BSN: variants seen among roughly 807,000 people sequenced by gnomAD.
The protein encoded by BSN is bassoon presynaptic cytomatrix protein.
In BSN, 57 loss-of-function variants were observed where a neutral mutation model predicts 264.8. The ratio of observed to expected loss-of-function variants is 0.22; its 90% CI spans 0.17 to 0.27. The LOEUF (loss-of-function observed/expected upper bound fraction) is 0.27, where lower values mean the gene tolerates loss of function less well. Among genes scored for constraint, BSN ranks in the 10% least tolerant of loss-of-function variants. BSN has a pLI of 1.00. For synonymous variants in BSN, 2,059 were observed against 2,137.3 expected, an observed-to-expected ratio of 0.96 and a Z score of 1.01; for missense variants, 4,615 against 5,232.5, an observed-to-expected ratio of 0.88 and a Z score of 3.64.
intron 2 of BSN, among the ~76,000 whole-genome samples, chr3:49,627,739 G>A (rs1295755646): frequency 2.6e-5 from 4 of 152,186 alleles, no homozygotes; most frequent in Non-Finnish European, 4.4e-5. Context: ...TTAGGTGTCT[G>A]GGTGGGTGAT....
At chr3:49,597,263 G>A (rs9875617) in intron 1 of BSN, among the ~76,000 whole-genome samples, 43,526 of 151,844 alleles carry the variant, frequency 0.29, 6,771 homozygotes, top group Non-Finnish European at 0.31. Flanking sequence ...TGAGTTCTCT[G>A]TTTCTTTCTC....
Position 49,657,638 on chromosome 3 carries a change from C to T in BSN, c.8082C>T (p.Thr2694=), listed in dbSNP as rs778069714. 1.5e-5 allele frequency: 24 copies of T among 1,595,750 alleles called. No individual in the cohort carries two copies. Among genetic ancestry groups the T allele is most frequent in the African/African-American group, 1.3e-5 (1 of 74,602 alleles). Residue 2694 remains threonine (T), a synonymous_variant, in exon 5 of 12, where the codon ACC becomes ACT. Transcript: ENST00000296452. ...CAGCCATCCACATCACAGCTGCCAC[C>T]GATCCCAAGGTGGAGATCGTCAGGT... ...VSPAIHITAA[T]DPKVEIVRYI... is the part of the protein sequence containing the mutation.
Position 49,642,833 on chromosome 3 carries a change from T to C in BSN, c.1199T>C (p.Leu400Ser). 1 of 1,613,086 alleles carries C rather than the reference T, an allele frequency of 6.2e-7. No individual in the cohort carries two copies. ...AGCAAGGAGGCTGGCCCAAAACCCT[T>C]GGGCTCAGGGCCCGGGCCTGGGCCA... ...DASKEAGPKP[L>S]GSGPGPGPAP... Residue 400 changes from leucine (L) to serine (S), a missense_variant, in exon 3 of 12, where the codon TTG (leucine) becomes TCG (serine). Coordinates refer to ENST00000296452, the MANE Select transcript of BSN (RefSeq NM_003458.4). The surrounding 1 kb of genome is among the most constrained non-coding windows in gnomAD (Gnocchi z 7.0).
intron 1 of BSN, among the ~76,000 whole-genome samples, chr3:49,599,263 G>T (rs979439184): frequency 3.9e-5 from 6 of 152,226 alleles, no homozygotes; most frequent in African/African-American, 1.4e-4. Context: ...GATTGCTCAT[G>T]AGTGAATGTG....
At chr3:49,578,653 G>T (rs1273622013) in intron 1 of BSN, among the ~76,000 whole-genome samples, 1 of 151,924 alleles carries the variant, frequency 6.6e-6, no homozygotes, top group South Asian at 2.1e-4. Flanking sequence ...TGATCCACCC[G>T]TGTCGGCCTC....
intron 1 of BSN, among the ~76,000 whole-genome samples, chr3:49,601,432 G>A (rs566236471): frequency 6.6e-6 from 1 of 152,296 alleles, no homozygotes; most frequent in East Asian, 1.9e-4. Context: ...GTTTCATGGG[G>A]TGTACCAGTG....
rs775327878 is a variant in BSN, at chr3:49,642,334, C to T, written c.700C>T (p.Pro234Ser). 3.1e-6 allele frequency: 5 copies of T among 1,599,442 alleles called. No individual in the cohort carries two copies. Among genetic ancestry groups the T allele is most frequent in the South Asian group, 2.3e-5 (2 of 88,602 alleles). ...RALGMDMTTA[P>S]RSKSQQQLHS... ...TCTGGGAATGGACATGACCACTGCA[C>T]CTCGCTCCAAGAGCCAGCAGCAGCT... Residue 234 changes from proline to serine, a missense_variant, in exon 3 of 12, where the codon CCT (proline) becomes TCT (serine). Physicochemically the swap from Pro to Ser is moderately conservative, Grantham distance 74 (BLOSUM62 -1). Transcript: ENST00000296452. The surrounding 1 kb of genome is among the most constrained non-coding windows in gnomAD (Gnocchi z 7.0).
intron 1 of BSN, among the ~76,000 whole-genome samples, chr3:49,571,666 T>G (rs1184298533): frequency 6.6e-6 from 1 of 152,088 alleles, no homozygotes; most frequent in African/African-American, 2.4e-5. Context: ...GGACAGAGAT[T>G]GTTCATCCCT....
chr3:49,662,114 T>C lies in BSN; in HGVS notation c.10269T>C (p.Tyr3423=), dbSNP rs2108096245. The C allele has an allele frequency of 6.2e-7, 1 of 1,613,410 alleles. No homozygotes were observed. Among genetic ancestry groups the C allele is most frequent in the Non-Finnish European group, 8.5e-7 (1 of 1,180,022 alleles). Residue 3423 remains tyrosine, a synonymous_variant, in exon 6 of 12, where the codon TAT becomes TAC. Transcript: ENST00000296452. ...KKNVYEQQKY[Y]GMSSRDAVED... is the part of the protein sequence containing the mutation. ...ACGTGTATGAGCAGCAAAAATACTA[T>C]GGGATGTCCAGCCGGGACGCAGTGG...
rs1559621637 is a variant in BSN, at chr3:49,669,398, A to ATCTG, written c.*1924_*1927dup. 6.5e-6 allele frequency: 1 copy of ATCTG among 152,702 alleles called. No individual in the cohort carries two copies. The highest frequency in any genetic ancestry group is 2.4e-5 in the African/African-American group (1 of 41,448). The allele number at this position is 152,702 out of a possible 1,614,324, so 9.5% of individuals were successfully genotyped here. On this transcript the variant is annotated 3_prime_UTR_variant, in exon 12 of 12. Transcript: ENST00000296452. ...ACATTCTGAAGGTTTGCTGTAGGATATCTGTCTGTCTGTCATTTTCCCTTC... is the reference window on the plus strand; with the variant it reads ...ACATTCTGAAGGTTTGCTGTAGGATATCTGTCTGTCTGTCTGTCATTTTCCCTTC...
intron 1 of BSN, among the ~76,000 whole-genome samples, chr3:49,572,242 G>C (rs147535803): frequency 4.7e-4 from 71 of 152,272 alleles, no homozygotes; most frequent in Middle Eastern, 3.4e-3. Context: ...AAATGATTTT[G>C]TTTATTGTCC....
At chr3:49,636,827 T>A (rs2052423809) in intron 2 of BSN, among the ~76,000 whole-genome samples, 1 of 152,230 alleles carries the variant, frequency 6.6e-6, no homozygotes, top group Non-Finnish European at 1.5e-5. Context: ...AGGCAACATG[T>A]CTATTGCTGT....
Position 49,661,892 on chromosome 3 carries a change from T to C in BSN, c.10047T>C (p.Ala3349=), listed in dbSNP as rs370833305. 11 of 1,613,680 alleles carry C rather than the reference T, an allele frequency of 6.8e-6. No individual in the cohort carries two copies. Among genetic ancestry groups the C allele is most frequent in the Non-Finnish European group, 9.3e-6 (11 of 1,180,008 alleles). ...CCAAGCATCCCTCCAAGAGCCTGGC[T>C]CCAGCTGCCATCTCCTCAAAGCGCA... The part of the protein sequence containing the change: ...MGPKHPSKSL[A]PAAISSKRSK... The change falls in exon 6 of 12, where the codon GCT becomes GCC. Residue 3349 remains alanine (A), a synonymous_variant. Transcript: ENST00000296452.
At chr3:49,629,612 C>T (rs921968969) in intron 2 of BSN, among the ~76,000 whole-genome samples, 1 of 152,246 alleles carries the variant, frequency 6.6e-6, no homozygotes, top group Non-Finnish European at 1.5e-5. Context: ...ATCCTCAGAA[C>T]AGCATCCCAG....
intron 1 of BSN, among the ~76,000 whole-genome samples, chr3:49,610,291 T>C (rs984889520): frequency 6.6e-6 from 1 of 152,136 alleles, no homozygotes; most frequent in African/African-American, 2.4e-5. Context: ...AAATTTGAAA[T>C]TGCAAGGCAA....
chr3:49,673,072 C>CCCGG (rs1157252881), downstream of BSN, among the ~76,000 whole-genome samples: 1 of 87,006 alleles, frequency 1.1e-5, no homozygotes, highest in African/African-American at 3.7e-5. Context: ...AGCCACCGCG[C>CCCGG]CCGGCCGGCC....
At chr3:49,639,180 T>C (rs2052441647) in intron 2 of BSN, among the ~76,000 whole-genome samples, 1 of 151,662 alleles carries the variant, frequency 6.6e-6, no homozygotes, top group South Asian at 2.1e-4. Flanking sequence ...AAAGCTGCCT[T>C]GCTTCTTTCT....
rs745456037 is a variant in BSN at position 49,657,554 on chromosome 3, C to G, written c.7998C>G (p.Ile2666Met). ...TGAGGGCCATGAGCAGCGTGGGCAT[C>G]CAGACCATCAGTGACTGCTCCGTGC... ...ATVRAMSSVG[I>M]QTISDCSVQT... Residue 2666 changes from isoleucine (I) to methionine (M), a missense_variant, in exon 5 of 12, where the codon ATC (isoleucine) becomes ATG (methionine). Ile to Met is a conservative substitution (Grantham distance 10). This residue lies in a region of BSN where 3,415 missense variants were observed against 3,866.4 expected (regional missense o/e 0.88). Transcript: ENST00000296452. The G allele has an allele frequency of 1.9e-6, 3 of 1,613,196 alleles. No individual in the cohort carries two copies. Among genetic ancestry groups the G allele is most frequent in the South Asian group, 2.2e-5 (2 of 91,084 alleles).
intron 2 of BSN, among the ~76,000 whole-genome samples, chr3:49,627,780 A>T (rs547054636): frequency 6.6e-6 from 1 of 151,900 alleles, no homozygotes; most frequent in Non-Finnish European, 1.5e-5. Context: ...TTTCCAGGAA[A>T]CTCAGCTACA....
Sources: allele counts gnomAD v4.1 joint callset (sites outside exome capture counted in the v4.1 genomes callset), GRCh38; gene constraint gnomAD v4.1.1; regional missense constraint gnomAD v4.1.1; non-coding constraint Gnocchi (gnomAD v3.1); transcripts MANE v1.5; gene names NCBI Gene and HGNC (gene_info 2026-07-23, HGNC 2026-07-21).